The following HUWE1 variants were observed in gnomAD, a reference collection of about 807,000 sequenced individuals.
HUWE1 encodes the protein E3 ubiquitin-protein ligase HUWE1.
A neutral mutation model predicts 299.4 loss-of-function variants in HUWE1; 18 were observed. The ratio of observed to expected loss-of-function variants is 0.06; its 90% CI spans 0.04 to 0.09. The LOEUF is 0.09. HUWE1 is among the 10% of genes least tolerant of loss of function. The pLI, the probability that HUWE1 is intolerant of heterozygous loss-of-function variation, is 1.00. For missense variants in HUWE1, 1,832 were observed against 3,462.3 expected (o/e 0.53, Z 11.82); for synonymous variants, 1,317 against 1,286.1 (o/e 1.02, Z -0.51).
rs1603283256 is a variant in HUWE1 at position 53,686,278 on chromosome X, C to T, written c.-171G>A. Reference sequence around the variant, plus strand: ...ATGGCTAATGCCGGTACCTCGCATCCCCTCTGTCAGCCGCTCTCTCGCCGC... The same window carrying T: ...ATGGCTAATGCCGGTACCTCGCATCTCCTCTGTCAGCCGCTCTCTCGCCGC... On this transcript the variant is annotated 5_prime_UTR_variant, in exon 2 of 84. Transcript: ENST00000262854. The T allele has an allele frequency of 8.8e-6, 1 of 113,318 alleles. No homozygotes were observed. Among genetic ancestry groups the T allele is most frequent in the Non-Finnish European group, 1.9e-5 (1 of 53,323 alleles). 9.3% of individuals were successfully genotyped at this position (113,318 alleles called of 1,213,427 possible).
intron 4 of HUWE1, 24 bp downstream of exon 4, chrX:53,654,039 C>T: frequency 9.0e-7 from 1 of 1,114,436 alleles, no homozygotes. Context: ...AAAAAATAAG[C>T]AAAGTAAACT....
chrX:53,594,898 A>G, intron 30 of HUWE1, among the ~76,000 whole-genome samples: 1 of 111,787 alleles, frequency 8.9e-6, no homozygotes, highest in Non-Finnish European at 1.9e-5. Context: ...TCCAAAACCC[A>G]AAAAATTCCA....
chrX:53,575,335 A>G (rs367804010), intron 45 of HUWE1, 114 bp from the exon 46 acceptor site: 1 of 571,927 alleles, frequency 1.7e-6, no homozygotes. Context: ...TCTTTGGCCA[A>G]CCTTTTAACC....
chrX:53,607,138 C>T (rs2065195409), intron 25 of HUWE1, among the ~76,000 whole-genome samples: 2 of 111,048 alleles, frequency 1.8e-5, no homozygotes, highest in South Asian at 7.6e-4. Flanking sequence ...ACATGACTAC[C>T]AAGCTTGAAA....
At chrX:53,538,484 G>T in intron 76 of HUWE1, 30 bp from the exon 77 acceptor site, 1 of 982,770 alleles carries the variant, frequency 1.0e-6, no homozygotes, top group Non-Finnish European at 1.5e-6. Context: ...CAGGAATTAA[G>T]CACATCATCT....
intron 28 of HUWE1, 66 bp from the exon 29 acceptor site, chrX:53,600,375 A>C: frequency 1.2e-6 from 1 of 815,102 alleles, no homozygotes. Flanking sequence ...TTCCTTGAGA[A>C]GTACTGACAA....
intron 17 of HUWE1, among the ~76,000 whole-genome samples, chrX:53,626,550 A>G (rs782186985): frequency 9.0e-6 from 1 of 111,695 alleles, no homozygotes; most frequent in African/African-American, 3.3e-5. Context: ...TAACATCAAC[A>G]TGTATTTGAA....
chrX:53,574,588 A>G (rs1240896211), intron 46 of HUWE1, among the ~76,000 whole-genome samples: 1 of 112,588 alleles, frequency 8.9e-6, no homozygotes, highest in Non-Finnish European at 1.9e-5. Flanking sequence ...TAAACCCAGT[A>G]AAATGAGTTA....
chrX:53,562,349 A>G (rs1336353112), intron 53 of HUWE1, 105 bp from the exon 54 acceptor site: 15 of 1,005,160 alleles, frequency 1.5e-5, no homozygotes, highest in African/African-American at 7.6e-5. Flanking sequence ...ATCTGACTCT[A>G]TGAGAGGAAG....
intron 66 of HUWE1, 112 bp downstream of exon 66, chrX:53,550,554 G>A: frequency 3.0e-6 from 2 of 672,908 alleles, no homozygotes; most frequent in Non-Finnish European, 4.8e-6. Context: ...ATGGCTTAGA[G>A]AGACCATCCA....
intron 70 of HUWE1, among the ~76,000 whole-genome samples, chrX:53,545,367 G>A (rs1315439115): frequency 9.0e-6 from 1 of 111,412 alleles, no homozygotes; most frequent in Non-Finnish European, 1.9e-5. Flanking sequence ...ATGGCCACAG[G>A]GATCTGCTGA....
intron 31 of HUWE1, 139 bp downstream of exon 31, chrX:53,594,360 A>G (rs781813993): frequency 4.3e-6 from 3 of 691,190 alleles, no homozygotes; most frequent in Non-Finnish European, 6.7e-6. Context: ...TTCCCAGAAC[A>G]CTGAAGGATA....
chrX:53,563,926 CAT>C (rs2062410925), intron 51 of HUWE1, 105 bp from the exon 52 acceptor site: 1 of 888,249 alleles, frequency 1.1e-6, no homozygotes, highest in Admixed American at 2.6e-5. Context: ...TCTAGGATAA[CAT>C]GTGACAGAGG....
rs782635998 is a variant in HUWE1, at chrX:53,535,182, A to G, written c.12649+202T>C. Among the ~76,000 whole-genome samples, 25 of 110,566 alleles carry G rather than the reference A, an allele frequency of 2.3e-4. No individual in the cohort carries two copies. In the East Asian group the frequency reaches 5.8e-3, roughly 26 times the overall value. ...ACTCCTCACCTCAACTGATCCGCCCACCTTGGCCTCCCAAAGTGCTGGGAT... is the reference window on the plus strand; with the variant it reads ...ACTCCTCACCTCAACTGATCCGCCCGCCTTGGCCTCCCAAAGTGCTGGGAT... On this transcript the variant is annotated intron_variant, in intron 81 of 83. Transcript: ENST00000262854.
chrX:53,552,550 CA>C, intron 62 of HUWE1, 87 bp downstream of exon 62: 1 of 1,200,309 alleles, frequency 8.3e-7, no homozygotes, highest in African/African-American at 1.7e-5. Context: ...CCCAGCATAA[CA>C]AGCATGTCCA....
chrX:53,539,636 G>C, intron 75 of HUWE1, 21 bp downstream of exon 75: 1 of 1,209,345 alleles, frequency 8.3e-7, no homozygotes, highest in Non-Finnish European at 1.1e-6. Flanking sequence ...TTGGGACCTG[G>C]GCCTTTAGGA....
intron 15 of HUWE1, 92 bp downstream of exon 15, chrX:53,628,401 C>A (rs2066662181): frequency 2.2e-6 from 2 of 920,229 alleles, no homozygotes; most frequent in East Asian, 6.8e-5. Context: ...ATATTATTTG[C>A]CCTCACTGTG....
Position 53,683,648 on chromosome X carries a change from G to C in HUWE1, c.-163+2622C>G, listed in dbSNP as rs1405129641. Among the ~76,000 whole-genome samples, 18 of 111,908 alleles carry C rather than the reference G, an allele frequency of 1.6e-4. 2 individuals carry two copies. In the Admixed American group the frequency reaches 1.7e-3, roughly 10 times the overall value. ...GCCCAGGAAATGGTGTCGCCTCAAC[G>C]GACAAGAAACGAGGTGGTCTTCGCC... On this transcript the variant is annotated intron_variant, in intron 2 of 83. Coordinates refer to ENST00000262854, the MANE Select transcript of HUWE1 (RefSeq NM_031407.7).
chrX:53,619,105 A>G (rs191725288), intron 19 of HUWE1, among the ~76,000 whole-genome samples: 1 of 111,518 alleles, frequency 9.0e-6, no homozygotes, highest in Non-Finnish European at 1.9e-5. Flanking sequence ...AAACCAGAGG[A>G]TTTTCTATTC....
Sources: gnomAD v4.1 joint callset for allele counts (sites outside exome capture counted in the v4.1 genomes callset) on GRCh38, gnomAD v4.1.1 for gene constraint, MANE v1.5 for transcripts, NCBI Gene and HGNC (gene_info 2026-07-23, HGNC 2026-07-21) for gene names.